The following MTA2 variants were observed in gnomAD, a reference collection of about 807,000 sequenced individuals.
MTA2 encodes metastasis-associated protein MTA2.
In MTA2, 22 loss-of-function variants were observed where a neutral mutation model predicts 87.1. The ratio of observed to expected loss-of-function variants is 0.25; its 90% CI spans 0.18 to 0.36. The LOEUF is 0.36. Among genes scored for constraint, MTA2 ranks in the 10% least tolerant of loss-of-function variants. The probability of loss-of-function intolerance (pLI) is 1.00; values close to 1 mark genes in which losing one functional copy is unlikely to be tolerated. For synonymous variants in MTA2, 314 were observed against 310.1 expected (o/e 1.01, Z -0.13); for missense variants, 542 against 853.2 (o/e 0.64, Z 4.54).
rs1942055443 is a variant in MTA2, at chr11:62,593,716, G to T, written c.*159C>A. 4 of 825,256 alleles carry T rather than the reference G, an allele frequency of 4.8e-6. No individual in the cohort carries two copies. The highest frequency in any genetic ancestry group is 2.7e-5 in the East Asian group (1 of 36,574). 51.1% of individuals were successfully genotyped at this position (825,256 alleles called of 1,614,324 possible). Reference sequence around the variant, plus strand: ...GAGGCATGAGACAAGTCTCGAGGTGGTAACACCAGAGGGCGCCCAACCCCT... The same window carrying T: ...GAGGCATGAGACAAGTCTCGAGGTGTTAACACCAGAGGGCGCCCAACCCCT... On this transcript the variant is annotated 3_prime_UTR_variant, in exon 18 of 18. Transcript: ENST00000278823.
rs773648667 is a variant in MTA2 at position 62,598,378 on chromosome 11, A to G, written c.321T>C (p.Ser107=). ...LPATHIRGKC[S]VTLLNETDIL... ...TATCTGTCTCATTCAAGAGGGTCAC[A>G]CTGCATTTCCCCCTATAGGAGAGAG... The change falls in exon 5 of 18, where the codon AGT becomes AGC. Residue 107 remains serine, a synonymous_variant. Coordinates refer to ENST00000278823, the MANE Select transcript of MTA2 (RefSeq NM_004739.4). 2 of 1,614,030 alleles carry G rather than the reference A, an allele frequency of 1.2e-6. No individual in the cohort carries two copies. Among genetic ancestry groups the G allele is most frequent in the Admixed American group, 1.7e-5 (1 of 60,014 alleles).
rs1328156645 is a variant in MTA2 at position 62,595,384 on chromosome 11, G to A, written c.1363C>T (p.Leu455=). 6.2e-7 allele frequency: 1 copy of A among 1,614,232 alleles called. No individual in the cohort carries two copies. The highest frequency in any genetic ancestry group is 1.1e-5 in the South Asian group (1 of 91,084). ...CGGGTCAGCTTTGTGGTCTGAAGCA[G>A]GAAAGTTTGTCTGTTCTTAGCCAGT... ...KLLAKNRQTF[L]LQTTKLTRLA... The change falls in exon 14 of 18, where the codon CTG becomes TTG. Residue 455 remains leucine (L), a synonymous_variant. Coordinates refer to ENST00000278823, the MANE Select transcript of MTA2 (RefSeq NM_004739.4). The surrounding 1 kb of genome is among the most constrained non-coding windows in gnomAD (Gnocchi z 4.9).
At chr11:62,597,120 C>T (rs1447927840) in intron 8 of MTA2, among the ~76,000 whole-genome samples, 196 bp downstream of exon 8, 2 of 151,822 alleles carry the variant, frequency 1.3e-5, no homozygotes, top group African/African-American at 4.8e-5. Context: ...ACCCGGGAGG[C>T]GGAGCTTGCA....
At chr11:62,601,149 G>T (rs1427251229) in intron 1 of MTA2, 1 of 515,740 alleles carries the variant, frequency 1.9e-6, no homozygotes, top group East Asian at 3.6e-5. Context: ...CTTCGGAACC[G>T]GTTCCGAAGG....
At chr11:62,599,491 C>T (rs572852848) in intron 3 of MTA2, among the ~76,000 whole-genome samples, 12 of 152,086 alleles carry the variant, frequency 7.9e-5, no homozygotes, top group Admixed American at 4.6e-4. Flanking sequence ...TTAACCCCTT[C>T]TCACCCAGAG....
chr11:62,597,443 C>A, intron 7 of MTA2, 28 bp from the exon 8 acceptor site: 1 of 1,597,114 alleles, frequency 6.3e-7, no homozygotes, highest in Non-Finnish European at 8.5e-7. Flanking sequence ...AAGTCAAAAG[C>A]GAAAGAAAAG....
In MTA2 at chr11:62,595,992, A is replaced by G. The variant is rs1942093661; in HGVS notation, c.1114+18T>C. Reference sequence around the variant, plus strand: ...GCCTTCCACCCATCCCCACCATCCCAGTGCCCCCGTAACTCACTGTGGCAA... The same window carrying G: ...GCCTTCCACCCATCCCCACCATCCCGGTGCCCCCGTAACTCACTGTGGCAA... On this transcript the variant is annotated intron_variant, in intron 12 of 17. Coordinates refer to ENST00000278823, the MANE Select transcript of MTA2 (RefSeq NM_004739.4). This position sits in a 1 kb window ranked among gnomAD's most constrained non-coding sequence, Gnocchi z 4.9. The G allele has an allele frequency of 6.2e-7, 1 of 1,613,910 alleles. No homozygotes were observed. The highest frequency in any genetic ancestry group is 1.3e-5 in the African/African-American group (1 of 74,906).
At position 62,593,985 on chromosome 11, in the gene MTA2, T is replaced by A. The variant is rs771483181; in HGVS notation, c.1897A>T (p.Asn633Tyr). Residue 633 changes from asparagine (N) to tyrosine (Y), a missense_variant, in exon 18 of 18, where the codon AAC becomes TAC. By Grantham distance (143) the Asn-to-Tyr change is moderately radical (BLOSUM62 -2). This residue lies in a region of MTA2 where 269 missense variants were observed against 346.4 expected (regional missense o/e 0.78). Transcript: ENST00000278823. ...LEMRRAARRP[N>Y]LPLKVKPTLI... ...GTTGGCTTCACCTTCAGGGGCAAGT[T>A]GGGTCGGCGAGCAGCTCGCCGCATT... 1 of 1,613,860 alleles carries A rather than the reference T, an allele frequency of 6.2e-7. No homozygotes were observed. The highest frequency in any genetic ancestry group is 1.1e-5 in the South Asian group (1 of 91,064).
Position 62,597,762 on chromosome 11 carries a change from T to C in MTA2, c.491-50A>G, listed in dbSNP as rs201177812. On this transcript the variant is annotated intron_variant, in intron 6 of 17. Coordinates refer to ENST00000278823, the MANE Select transcript of MTA2 (RefSeq NM_004739.4). ...ACAGGGAGAGGGCAGGGGGGAACAGTTGGTGTCTTTTCATTCACAATAGCA... is the reference window on the plus strand; with the variant it reads ...ACAGGGAGAGGGCAGGGGGGAACAGCTGGTGTCTTTTCATTCACAATAGCA... 6 of 1,478,724 alleles carry C rather than the reference T, an allele frequency of 4.1e-6. No individual in the cohort carries two copies. In the South Asian group the frequency reaches 5.8e-5, roughly 14 times the overall value. 91.6% of individuals were successfully genotyped at this position (1,478,724 alleles called of 1,614,324 possible).
At chr11:62,600,414 T>C (rs931496328) in intron 2 of MTA2, 155 bp from the exon 3 acceptor site, 31 of 805,116 alleles carry the variant, frequency 3.9e-5, no homozygotes, top group African/African-American at 2.1e-4. Flanking sequence ...CATTCAAGGA[T>C]AGACTTCCAA....
rs746213214 is a variant in MTA2 at position 62,594,340 on chromosome 11, G to A, written c.1760C>T (p.Ser587Leu). The change falls in exon 17 of 18, where the codon TCA becomes TTA. Residue 587 changes from serine to leucine, a missense_variant. Physicochemically the swap from Ser to Leu is moderately radical, Grantham distance 145 (BLOSUM62 -2). Transcript: ENST00000278823. Reference protein sequence around the residue: ...RPLASGIRSSSQPAAKRQKLN... With the variant: ...RPLASGIRSSLQPAAKRQKLN... ...TTTCTGACGCTTGGCTGCTGGCTGT[G>A]AGCTTGAACGAATCCCTGAAGCCAG... 8 of 1,614,228 alleles carry A rather than the reference G, an allele frequency of 5.0e-6. No homozygotes were observed. Among genetic ancestry groups the A allele is most frequent in the Non-Finnish European group, 6.8e-6 (8 of 1,180,046 alleles).
intron 2 of MTA2, 102 bp downstream of exon 2, chr11:62,600,520 T>A: frequency 1.1e-5 from 12 of 1,102,564 alleles, no homozygotes; most frequent in Non-Finnish European, 1.6e-5. Context: ...AATGAACGAA[T>A]ATGAATGGGT....
At position 62,596,638 on chromosome 11, in the gene MTA2, A is replaced by C; in HGVS notation, c.881T>G (p.Phe294Cys). The C allele has an allele frequency of 6.2e-7, 1 of 1,612,264 alleles. No individual in the cohort carries two copies. Among genetic ancestry groups the C allele is most frequent in the Non-Finnish European group, 8.5e-7 (1 of 1,178,818 alleles). The change falls in exon 9 of 18, where the codon TTT (phenylalanine) becomes TGT (cysteine). Residue 294 changes from phenylalanine (F) to cysteine (C), a missense_variant and splice_region_variant. Transcript: ENST00000278823. Reference protein sequence around the residue: ...GKDFNDIRQDFLPWKSLASIV... With the variant: ...GKDFNDIRQDCLPWKSLASIV... Reference sequence around the variant, plus strand: ...CTCCTCCTAGTGCCATCCACTTACAAAATCCTGGCGAATATCATTGAAGTC... The same window carrying C: ...CTCCTCCTAGTGCCATCCACTTACACAATCCTGGCGAATATCATTGAAGTC...
intron 5 of MTA2, 48 bp from the exon 6 acceptor site, chr11:62,598,189 C>T (rs201384191): frequency 6.3e-6 from 10 of 1,593,170 alleles, no homozygotes; most frequent in Middle Eastern, 1.7e-4. Context: ...TCCACATAGG[C>T]GGCGGGGAGG....
In MTA2 at chr11:62,598,084, G is replaced by C. The variant is rs1942123260; in HGVS notation, c.430C>G (p.Gln144Glu). The change falls in exon 6 of 18, where the codon CAG (glutamine) becomes GAG (glutamate). Residue 144 changes from glutamine to glutamate, a missense_variant. By Grantham distance (29) the Gln-to-Glu change is conservative. Around this residue, in one of 6 missense-constraint regions of MTA2, gnomAD observed 150 missense variants for 243.9 expected, o/e 0.62. Coordinates refer to ENST00000278823, the MANE Select transcript of MTA2 (RefSeq NM_004739.4). ...TTGCAACCAACTCTAATCTCGCCCTGATCAGCGAGAAGTGTCTTCTGCACG... is the reference window on the plus strand; with the variant it reads ...TTGCAACCAACTCTAATCTCGCCCTCATCAGCGAGAAGTGTCTTCTGCACG... ...DPVQKTLLAD[Q>E]GEIRVGCKYQ... is the part of the protein sequence containing the mutation. The C allele has an allele frequency of 2.5e-6, 4 of 1,613,966 alleles. No homozygotes were observed. Among genetic ancestry groups the C allele is most frequent in the African/African-American group, 1.3e-5 (1 of 74,894 alleles).
In MTA2 at chr11:62,593,823, C is replaced by A; in HGVS notation, c.*52G>T. The A allele has an allele frequency of 1.9e-6, 3 of 1,605,824 alleles. No individual in the cohort carries two copies. The highest frequency in any genetic ancestry group is 2.6e-6 in the Non-Finnish European group (3 of 1,174,534). ...ACGAAAGGGAAGGGAGGTTTGGGTG[C>A]CCTGGGCATCCACCCTCTACCTCTC... On this transcript the variant is annotated 3_prime_UTR_variant, in exon 18 of 18. Coordinates refer to ENST00000278823, the MANE Select transcript of MTA2 (RefSeq NM_004739.4).
Position 62,596,268 on chromosome 11 carries a change from A to C in MTA2, c.1016+11T>G. 1 of 1,613,808 alleles carries C rather than the reference A, an allele frequency of 6.2e-7. No individual in the cohort carries two copies. Among genetic ancestry groups the C allele is most frequent in the East Asian group, 2.2e-5 (1 of 44,890 alleles). ...GAAAACACTCTGGTCTCCCCTACCC[A>C]CCACACTTACTAGGTGGGAATGTAG... is the stretch of plus-strand genomic sequence containing the variant. On this transcript the variant is annotated intron_variant, in intron 11 of 17. Coordinates refer to ENST00000278823, the MANE Select transcript of MTA2 (RefSeq NM_004739.4).
chr11:62,596,229 T>A, intron 11 of MTA2, 50 bp downstream of exon 11: 1 of 1,605,650 alleles, frequency 6.2e-7, no homozygotes, highest in Non-Finnish European at 8.5e-7. Flanking sequence ...AGGCACAAGT[T>A]AGGGGAAGGG....
chr11:62,597,939 G>T, intron 6 of MTA2, 85 bp downstream of exon 6: 1 of 1,253,824 alleles, frequency 8.0e-7, no homozygotes, highest in Non-Finnish European at 1.2e-6. Context: ...AACCCCAGGT[G>T]ACGCCATTCA....
Sources: allele counts gnomAD v4.1 joint callset (sites outside exome capture counted in the v4.1 genomes callset), GRCh38; gene constraint gnomAD v4.1.1; regional missense constraint gnomAD v4.1.1; non-coding constraint Gnocchi (gnomAD v3.1); transcripts MANE v1.5; gene names NCBI Gene and HGNC (gene_info 2026-07-23, HGNC 2026-07-21).